DPYSL3: variants seen among roughly 807,000 people sequenced by gnomAD.
DPYSL3 encodes the protein dihydropyrimidinase like 3.
A neutral mutation model predicts 66.1 loss-of-function variants in DPYSL3; 16 were observed. The observed-to-expected ratio is 0.24, with a 90% CI of 0.16 to 0.37. The LOEUF (loss-of-function observed/expected upper bound fraction) is 0.37. Among genes scored for constraint, DPYSL3 ranks in the 10% least tolerant of loss-of-function variants. DPYSL3 has a pLI of 1.00. For missense variants in DPYSL3, 738 were observed against 916.2 expected (o/e 0.81, Z 2.51); for synonymous variants, 338 against 345.1 (o/e 0.98, Z 0.23).
intron 1 of DPYSL3, among the ~76,000 whole-genome samples, chr5:147,494,282 C>A (rs1372378357): frequency 6.6e-6 from 1 of 152,022 alleles, no homozygotes; most frequent in Non-Finnish European, 1.5e-5. Context: ...AATCAGTAAT[C>A]TAAACTTCCA....
chr5:147,463,410 C>G (rs1344725200), intron 1 of DPYSL3, among the ~76,000 whole-genome samples: 1 of 152,000 alleles, frequency 6.6e-6, no homozygotes, highest in Non-Finnish European at 1.5e-5. Flanking sequence ...ATATATAGAC[C>G]CTAGGCAGCG....
At chr5:147,446,638 A>G (rs1263750058) in intron 1 of DPYSL3, among the ~76,000 whole-genome samples, 17 of 152,232 alleles carry the variant, frequency 1.1e-4, no homozygotes, top group Non-Finnish European at 1.2e-4. Flanking sequence ...AGACAGGGAT[A>G]GAGAGTGAGA....
chr5:147,466,968 G>C (rs774452319), intron 1 of DPYSL3, among the ~76,000 whole-genome samples: 8 of 152,136 alleles, frequency 5.3e-5, no homozygotes, highest in Non-Finnish European at 1.0e-4. Flanking sequence ...AGCAAATGGA[G>C]TGTCAACAAA....
rs545546026 is a variant in DPYSL3 at position 147,450,510 on chromosome 5, C to T, written c.382-25547G>A. Among the ~76,000 whole-genome samples, 4 of 152,232 alleles carry T rather than the reference C, an allele frequency of 2.6e-5. No individual in the cohort carries two copies. The East Asian group carries it at 5.8e-4, about 22-fold the overall frequency. On this transcript the variant is annotated intron_variant, in intron 1 of 13. Transcript: ENST00000343218. ...GAGGTAGAACAGATAATCCACATAG[C>T]TGCCCTGAGAGGGGACAATGAAGAT...
intron 1 of DPYSL3, among the ~76,000 whole-genome samples, chr5:147,489,761 T>C (rs1377525936): frequency 2.6e-5 from 4 of 151,804 alleles, no homozygotes; most frequent in African/African-American, 9.6e-5. Flanking sequence ...CAGCTAAGAT[T>C]TAAAATTCTT....
intron 6 of DPYSL3, among the ~76,000 whole-genome samples, chr5:147,410,250 C>T (rs1751821090): frequency 6.6e-6 from 1 of 152,126 alleles, no homozygotes; most frequent in African/African-American, 2.4e-5. Context: ...AAGCTAAGCT[C>T]AAGAGGTGGC....
At chr5:147,432,167 G>A (rs764302775) in intron 1 of DPYSL3, among the ~76,000 whole-genome samples, 1 of 152,166 alleles carries the variant, frequency 6.6e-6, no homozygotes, top group Non-Finnish European at 1.5e-5. Flanking sequence ...GCTGGAAGTA[G>A]GTCAACCTGG....
chr5:147,413,775 T>A, intron 4 of DPYSL3, 118 bp from the exon 5 acceptor site: 1 of 789,496 alleles, frequency 1.3e-6, no homozygotes. Flanking sequence ...CGGGCTCCTG[T>A]CCAACATAAA....
At chr5:147,399,045 C>T (rs181816298) in intron 11 of DPYSL3, 37 bp downstream of exon 11, 2 of 1,602,320 alleles carry the variant, frequency 1.2e-6, no homozygotes, top group South Asian at 1.1e-5. Flanking sequence ...TGCATGCATT[C>T]TCCATTCTAC....
Position 147,502,233 on chromosome 5 carries a change from A to G in DPYSL3, c.381+7245T>C, listed in dbSNP as rs1753622017. ...AGGGCACCACGCTCATGACCAAATC[A>G]GTATCATTACCTTGGGGCTTAGGAT... On this transcript the variant is annotated intron_variant, in intron 1 of 13. Transcript: ENST00000343218. Among the ~76,000 whole-genome samples, 4 of 152,092 alleles carry G rather than the reference A, an allele frequency of 2.6e-5. No individual in the cohort carries two copies. In the South Asian group the frequency reaches 8.3e-4, roughly 32 times the overall value.
chr5:147,481,271 T>C (rs1440162067), intron 1 of DPYSL3, among the ~76,000 whole-genome samples: 1 of 152,164 alleles, frequency 6.6e-6, no homozygotes, highest in Non-Finnish European at 1.5e-5. Flanking sequence ...TCTACCTACC[T>C]CATAGGGCTG....
rs1757829817 is a variant in DPYSL3 at position 147,392,197 on chromosome 5, C to T, written c.*1838G>A. 6.6e-6 allele frequency: 1 copy of T among 152,230 alleles called. No homozygotes were observed. The highest frequency in any genetic ancestry group is 1.5e-5 in the Non-Finnish European group (1 of 68,038). The allele number at this position is 152,230 out of a possible 1,614,324, so 9.4% of individuals were successfully genotyped here. ...TCTTTGAAGTGTAAACTAAGAGCTA[C>T]ATTTTCCCTTTTACTACATCTCCCT... On this transcript the variant is annotated 3_prime_UTR_variant, in exon 14 of 14. Transcript: ENST00000343218.
chr5:147,424,789 T>C (rs1752164606), intron 2 of DPYSL3, 86 bp downstream of exon 2: 14 of 1,047,428 alleles, frequency 1.3e-5, no homozygotes, highest in Non-Finnish European at 1.8e-5. Context: ...TTTTTTTCAC[T>C]ACATTCATGT....
Position 147,418,519 on chromosome 5 carries a change from T to C in DPYSL3, c.583A>G (p.Lys195Glu). Residue 195 changes from lysine to glutamate, a missense_variant, in exon 3 of 14, where the codon AAG becomes GAG. Coordinates refer to ENST00000343218, the MANE Select transcript of DPYSL3 (RefSeq NM_001197294.2). ...DVHTHFQMPY[K>E]GMTTVDDFFQ... ...AAGTCATCTACTGTGGTCATTCCCT[T>C]ATATGGCATCTGGAAGTGAGTATGG... 1 of 1,613,692 alleles carries C rather than the reference T, an allele frequency of 6.2e-7. No homozygotes were observed. Among genetic ancestry groups the C allele is most frequent in the Non-Finnish European group, 8.5e-7 (1 of 1,179,790 alleles).
At chr5:147,440,887 T>C (rs567496700) in intron 1 of DPYSL3, among the ~76,000 whole-genome samples, 2 of 152,326 alleles carry the variant, frequency 1.3e-5, no homozygotes, top group South Asian at 4.1e-4. Context: ...AGAGGTGAAT[T>C]TGGACTTAGT....
intron 1 of DPYSL3, among the ~76,000 whole-genome samples, chr5:147,476,693 T>C (rs1401176586): frequency 6.6e-6 from 1 of 152,226 alleles, no homozygotes; most frequent in Non-Finnish European, 1.5e-5. Context: ...AGCTTATTTT[T>C]CTTGGCCAAT....
chr5:147,483,500 G>T (rs1753281862), intron 1 of DPYSL3, among the ~76,000 whole-genome samples: 1 of 152,150 alleles, frequency 6.6e-6, no homozygotes, highest in Non-Finnish European at 1.5e-5. Context: ...GTATATGCCA[G>T]GCACTGTTCT....
intron 8 of DPYSL3, among the ~76,000 whole-genome samples, chr5:147,404,174 G>A (rs1758273821): frequency 6.6e-6 from 1 of 152,136 alleles, no homozygotes; most frequent in Non-Finnish European, 1.5e-5. Flanking sequence ...CTGCTTTCCT[G>A]GTTCTCGCCC....
intron 1 of DPYSL3, among the ~76,000 whole-genome samples, chr5:147,429,815 G>A (rs115955935): frequency 0.011 from 1,705 of 152,144 alleles, 19 homozygotes; most frequent in Non-Finnish European, 0.016. Flanking sequence ...TACTGAATTC[G>A]TTCCAGTGTC....
Sources: allele counts gnomAD v4.1 joint callset (sites outside exome capture counted in the v4.1 genomes callset), GRCh38; gene constraint gnomAD v4.1.1; transcripts MANE v1.5; gene names NCBI Gene and HGNC (gene_info 2026-07-23, HGNC 2026-07-21).